The following MGAT5 variants were observed in gnomAD, a reference collection of about 807,000 sequenced individuals.
MGAT5 encodes alpha-1,6-mannosylglycoprotein 6-beta-N-acetylglucosaminyltransferase.
MGAT5 carries 30 observed loss-of-function variants against 94.3 expected under a neutral mutation model. That is an observed-to-expected ratio of 0.32 (90% CI 0.24 to 0.43). MGAT5 has a LOEUF of 0.43. Ranked by LOEUF, MGAT5 falls within the 20% of genes least tolerant of loss-of-function variation. MGAT5 has a pLI of 1.00. For synonymous variants in MGAT5, 310 were observed against 322.9 expected, an observed-to-expected ratio of 0.96 and a Z score of 0.43; for missense variants, 691 against 905.5, an observed-to-expected ratio of 0.76 and a Z score of 3.04.
At chr2:134,333,762 T>G (rs1372982641) in intron 4 of MGAT5, among the ~76,000 whole-genome samples, 1 of 152,138 alleles carries the variant, frequency 6.6e-6, no homozygotes, top group Non-Finnish European at 1.5e-5. Flanking sequence ...TTGAATGTTA[T>G]TAATGGTGTT....
chr2:134,150,654 A>G (rs1040081934), intron 1 of MGAT5, among the ~76,000 whole-genome samples: 2 of 152,216 alleles, frequency 1.3e-5, no homozygotes, highest in African/African-American at 4.8e-5. Flanking sequence ...TGAGCCTTTC[A>G]GTGTATTTAA....
intron 4 of MGAT5, among the ~76,000 whole-genome samples, chr2:134,322,984 T>G (rs1687422018): frequency 6.6e-6 from 1 of 152,146 alleles, no homozygotes; most frequent in African/African-American, 2.4e-5. Flanking sequence ...AAATGTCTCT[T>G]GTATAGTCAG....
At chr2:134,389,060 G>T (rs958521621) in intron 10 of MGAT5, among the ~76,000 whole-genome samples, 1 of 152,012 alleles carries the variant, frequency 6.6e-6, no homozygotes, top group Non-Finnish European at 1.5e-5. Context: ...CTGAGCCACC[G>T]CCCCCAGCCC....
intron 1 of MGAT5, among the ~76,000 whole-genome samples, chr2:134,129,827 C>T (rs1398432671): frequency 2.6e-5 from 4 of 152,226 alleles, no homozygotes; most frequent in African/African-American, 7.2e-5. Context: ...TCGGCCTCAG[C>T]GTCCACTCTG....
chr2:134,311,517 G>T (rs992251547), intron 2 of MGAT5, among the ~76,000 whole-genome samples: 2 of 152,110 alleles, frequency 1.3e-5, no homozygotes, highest in African/African-American at 2.4e-5. Flanking sequence ...GTGTGAGCTC[G>T]CATGCAAACT....
At chr2:134,426,642 A>G (rs1451253277) in intron 13 of MGAT5, among the ~76,000 whole-genome samples, 1 of 152,180 alleles carries the variant, frequency 6.6e-6, no homozygotes, top group East Asian at 1.9e-4. Flanking sequence ...TGAATCTTTG[A>G]GAGGAAACTT....
In MGAT5 at chr2:134,450,570, C is replaced by G. The variant is rs1686043741; in HGVS notation, c.*1723C>G. 1 of 152,158 alleles carries G rather than the reference C, an allele frequency of 6.6e-6. No homozygotes were observed. The highest frequency in any genetic ancestry group is 1.5e-5 in the Non-Finnish European group (1 of 68,066). 9.4% of individuals were successfully genotyped at this position (152,158 alleles called of 1,614,324 possible). A position where few individuals can be genotyped will look rare whatever the true frequency, so the allele number is the denominator to read the frequency against. On this transcript the variant is annotated 3_prime_UTR_variant, in exon 16 of 16. Transcript: ENST00000281923. ...CCACTGAGATCCCTGCTCAGTGCGTCTCAATTGTATCTCCAGTCTAAGAGG... is the reference window on the plus strand; with the variant it reads ...CCACTGAGATCCCTGCTCAGTGCGTGTCAATTGTATCTCCAGTCTAAGAGG...
At chr2:134,370,818 C>T (rs1158811066) in intron 10 of MGAT5, among the ~76,000 whole-genome samples, 1 of 152,224 alleles carries the variant, frequency 6.6e-6, no homozygotes. Flanking sequence ...TTTTAAGATT[C>T]CAAGAGCCAT....
chr2:134,226,408 T>A (rs1455593023), intron 1 of MGAT5, among the ~76,000 whole-genome samples: 2 of 152,242 alleles, frequency 1.3e-5, no homozygotes, highest in African/African-American at 4.8e-5. Flanking sequence ...ATCAGCCTAT[T>A]GCCTTTTCTT....
intron 1 of MGAT5, chr2:134,120,336 C>T (rs1461476758): frequency 2.6e-6 from 1 of 389,356 alleles, no homozygotes; most frequent in Non-Finnish European, 4.5e-6. Flanking sequence ...GGGAGCTCGT[C>T]ATCCCCGCGG....
In MGAT5 at chr2:134,281,158, G is replaced by C. The variant is rs1419487590; in HGVS notation, c.406+10608G>C. ...CAATGGCGGTAGTGACACCAACACT[G>C]TCCTCATGGTGAGGATGCAATGAGA... On this transcript the variant is annotated intron_variant, in intron 2 of 15. Transcript: ENST00000281923. 2.0e-5 allele frequency among the ~76,000 whole-genome samples: 3 copies of C among 152,270 alleles called. No homozygotes were observed. In the South Asian group the frequency reaches 6.2e-4, roughly 32 times the overall value.
At chr2:134,274,197 G>C (rs1191279459) in intron 2 of MGAT5, among the ~76,000 whole-genome samples, 1 of 152,236 alleles carries the variant, frequency 6.6e-6, no homozygotes, top group Non-Finnish European at 1.5e-5. Context: ...ATAGTGTCTT[G>C]ATTGTAGCCT....
chr2:134,205,550 G>A (rs969797476), intron 1 of MGAT5, among the ~76,000 whole-genome samples: 1 of 152,204 alleles, frequency 6.6e-6, no homozygotes, highest in African/African-American at 2.4e-5. Context: ...TTGTGCGTCT[G>A]TCAGAAAGCA....
At chr2:134,408,699 C>G (rs1228904469) in intron 11 of MGAT5, among the ~76,000 whole-genome samples, 1 of 152,156 alleles carries the variant, frequency 6.6e-6, no homozygotes, top group African/African-American at 2.4e-5. Context: ...CACTGTTTAT[C>G]CCTTCCTTAA....
intron 10 of MGAT5, among the ~76,000 whole-genome samples, chr2:134,401,755 G>A (rs1420103440): frequency 1.3e-5 from 2 of 152,152 alleles, no homozygotes; most frequent in Non-Finnish European, 2.9e-5. Flanking sequence ...GGGTGGCAAG[G>A]GTGGTCTTGC....
At chr2:134,387,761 A>G (rs1339797086) in intron 10 of MGAT5, among the ~76,000 whole-genome samples, 1 of 152,146 alleles carries the variant, frequency 6.6e-6, no homozygotes, top group African/African-American at 2.4e-5. Context: ...GGGAACAAAA[A>G]AAGACACGAA....
At chr2:134,273,374 C>T (rs899492159) in intron 2 of MGAT5, among the ~76,000 whole-genome samples, 2 of 152,294 alleles carry the variant, frequency 1.3e-5, no homozygotes, top group East Asian at 1.9e-4. Flanking sequence ...TTCCAATCCT[C>T]GCCAAGTAAA....
intron 1 of MGAT5, among the ~76,000 whole-genome samples, chr2:134,232,385 ATC>A (rs747665615): frequency 1.3e-5 from 2 of 152,170 alleles, no homozygotes. Context: ...GTTTCAGATC[ATC>A]TAGGAACCAG....
At chr2:134,174,073 CTTCT>C in intron 1 of MGAT5, among the ~76,000 whole-genome samples, 1 of 152,352 alleles carries the variant, frequency 6.6e-6, no homozygotes. Flanking sequence ...AGAGCATTAG[CTTCT>C]AAGCCCAAAT....
Sources: allele counts gnomAD v4.1 joint callset (sites outside exome capture counted in the v4.1 genomes callset), GRCh38; gene constraint gnomAD v4.1.1; transcripts MANE v1.5; gene names NCBI Gene and HGNC (gene_info 2026-07-23, HGNC 2026-07-21).